COQ10B: variants seen among roughly 807,000 people sequenced by gnomAD.
COQ10B encodes the protein coenzyme Q10B.
In COQ10B, 12 loss-of-function variants were observed where a neutral mutation model predicts 27.6. That is an observed-to-expected ratio of 0.43 (90% CI 0.28 to 0.70). The LOEUF (loss-of-function observed/expected upper bound fraction) is 0.70. Among genes scored for constraint, COQ10B ranks in the 30% least tolerant of loss-of-function variants. The pLI, the probability that COQ10B is intolerant of heterozygous loss-of-function variation, is 0.17. For missense variants in COQ10B, 278 were observed against 288.7 expected, an observed-to-expected ratio of 0.96 and a Z score of 0.27; for synonymous variants, 115 against 103.0, an observed-to-expected ratio of 1.12 and a Z score of -0.71.
intron 2 of COQ10B, among the ~76,000 whole-genome samples, chr2:197,461,634 A>AGAGAGG (rs2085759482): frequency 1.1e-5 from 1 of 92,204 alleles, no homozygotes; most frequent in Non-Finnish European, 2.3e-5. Flanking sequence ...TCTCAGAGAG[A>AGAGAGG]GAGAGAGAGA....
intron 1 of COQ10B, among the ~76,000 whole-genome samples, chr2:197,459,687 A>G (rs1049886396): frequency 1.3e-5 from 2 of 152,106 alleles, no homozygotes; most frequent in Admixed American, 6.6e-5. Context: ...GTGAAAGCCA[A>G]CTTTCTGGGA....
At chr2:197,457,180 A>G (rs1457639295) in intron 1 of COQ10B, among the ~76,000 whole-genome samples, 1 of 152,092 alleles carries the variant, frequency 6.6e-6, no homozygotes, top group African/African-American at 2.4e-5. Context: ...AGGCGGTAAT[A>G]CTCACCTCCT....
intron 2 of COQ10B, among the ~76,000 whole-genome samples, chr2:197,461,248 T>C (rs951805417): frequency 3.3e-5 from 5 of 152,124 alleles, no homozygotes; most frequent in African/African-American, 1.2e-4. Flanking sequence ...TCTACTGTAG[T>C]CCAAGTAGTG....
chr2:197,456,637 C>T (rs2085702015), intron 1 of COQ10B, among the ~76,000 whole-genome samples: 1 of 151,298 alleles, frequency 6.6e-6, no homozygotes, highest in African/African-American at 2.4e-5. Context: ...TGGTGGCGGG[C>T]ACCTGTAGTC....
At position 197,473,958 on chromosome 2, in the gene COQ10B, C is replaced by G. The variant is rs780228298; in HGVS notation, c.*34C>G. On this transcript the variant is annotated 3_prime_UTR_variant, in exon 5 of 5. Coordinates refer to ENST00000263960, the MANE Select transcript of COQ10B (RefSeq NM_025147.5). ...AAGAACTGGTGCCACCTGCTTCTGA[C>G]TTTAGTTTGTTCACTTTTAGGAAGT... The G allele has an allele frequency of 1.4e-6, 2 of 1,433,464 alleles. No homozygotes were observed. The highest frequency in any genetic ancestry group is 1.6e-5 in the South Asian group (1 of 62,480). The allele number at this position is 1,433,464 out of a possible 1,614,324, so 88.8% of individuals were successfully genotyped here.
intron 1 of COQ10B, among the ~76,000 whole-genome samples, chr2:197,455,899 C>T (rs1481578142): frequency 3.3e-5 from 5 of 152,060 alleles, no homozygotes; most frequent in South Asian, 4.1e-4. Flanking sequence ...GTGGAGGCTG[C>T]GGTGTGTCAT....
rs1229206676 is a variant in COQ10B, at chr2:197,473,415, A to AAATATAT, written c.550-341_550-340insATATATA. Among the ~76,000 whole-genome samples the AAATATAT allele has an allele frequency of 1.8e-4, 11 of 59,506 alleles. No homozygotes were observed. The East Asian group carries it at 2.7e-3, about 15-fold the overall frequency. The allele number at this position is 59,506 out of a possible 152,430, so 39.0% of individuals were successfully genotyped here. ...CGCCCCCCCCCACAAAAAAAAAAAAAATATATATATATATATATATATATA... is the reference window on the plus strand; with the variant it reads ...CGCCCCCCCCCACAAAAAAAAAAAAAAATATATATATATATATATATATATATATATA... On this transcript the variant is annotated intron_variant, in intron 4 of 4. Coordinates refer to ENST00000263960, the MANE Select transcript of COQ10B (RefSeq NM_025147.5).
At chr2:197,453,997 CTT>C (rs1187258015) in intron 1 of COQ10B, 11 of 1,551,010 alleles carry the variant, frequency 7.1e-6, no homozygotes, top group African/African-American at 1.4e-5. Context: ...AAAGTTTTAA[CTT>C]TGCGCAGAAG....
chr2:197,460,181 T>A, intron 2 of COQ10B, 100 bp downstream of exon 2: 2 of 737,088 alleles, frequency 2.7e-6, no homozygotes, highest in Non-Finnish European at 4.1e-6. Context: ...TCTTACAGAC[T>A]AAGCTCTCTT....
chr2:197,459,836 C>A, intron 1 of COQ10B, 96 bp from the exon 2 acceptor site: 1 of 851,516 alleles, frequency 1.2e-6, no homozygotes, highest in Non-Finnish European at 1.7e-6. Context: ...AGTTGCAAAG[C>A]CTTACAAAGT....
intron 1 of COQ10B, among the ~76,000 whole-genome samples, chr2:197,455,994 A>G (rs1365779392): frequency 6.6e-6 from 1 of 152,114 alleles, no homozygotes; most frequent in Non-Finnish European, 1.5e-5. Flanking sequence ...AAGAATGGAT[A>G]AAGAAAATGT....
At chr2:197,458,216 G>A (rs772233255) in intron 1 of COQ10B, among the ~76,000 whole-genome samples, 2 of 151,128 alleles carry the variant, frequency 1.3e-5, no homozygotes, top group African/African-American at 4.9e-5. Flanking sequence ...ATGTACATAT[G>A]TATATGTATT....
chr2:197,458,998 T>C (rs1574579119), intron 1 of COQ10B, among the ~76,000 whole-genome samples: 1 of 152,194 alleles, frequency 6.6e-6, no homozygotes, highest in East Asian at 1.9e-4. Flanking sequence ...AATAATCTTA[T>C]TAAGGAAAGT....
At chr2:197,457,709 C>T (rs1039731378) in intron 1 of COQ10B, among the ~76,000 whole-genome samples, 3 of 151,106 alleles carry the variant, frequency 2.0e-5, no homozygotes, top group African/African-American at 7.3e-5. Context: ...GCAACCTCCG[C>T]GTCCCAGGTT....
intron 3 of COQ10B, among the ~76,000 whole-genome samples, chr2:197,463,024 T>G (rs1419830223): frequency 6.6e-6 from 1 of 152,248 alleles, no homozygotes; most frequent in East Asian, 1.9e-4. Flanking sequence ...ATGTTTTAAT[T>G]TAATTTTTCA....
intron 1 of COQ10B, among the ~76,000 whole-genome samples, chr2:197,459,347 T>C (rs1366999606): frequency 2.0e-5 from 3 of 152,044 alleles, no homozygotes; most frequent in Non-Finnish European, 2.9e-5. Context: ...TTAAATTTTT[T>C]TGTAGAGACA....
intron 1 of COQ10B, among the ~76,000 whole-genome samples, chr2:197,455,089 C>G (rs1034772857): frequency 1.2e-4 from 18 of 151,950 alleles, no homozygotes; most frequent in Admixed American, 1.1e-3. Flanking sequence ...CTGGTGTTTT[C>G]CTTAGGCTTG....
intron 4 of COQ10B, among the ~76,000 whole-genome samples, chr2:197,471,575 G>T (rs1343085217): frequency 1.3e-5 from 2 of 152,158 alleles, no homozygotes; most frequent in African/African-American, 4.8e-5. Context: ...AGAAATGGTG[G>T]CAATTTTGAC....
At chr2:197,460,447 T>A (rs992907315) in intron 2 of COQ10B, among the ~76,000 whole-genome samples, 1 of 152,196 alleles carries the variant, frequency 6.6e-6, no homozygotes, top group African/African-American at 2.4e-5. Flanking sequence ...TGCCTTGGCC[T>A]CCCAAAGTGC....
Sources: gnomAD v4.1 joint callset for allele counts (sites outside exome capture counted in the v4.1 genomes callset) on GRCh38, gnomAD v4.1.1 for gene constraint, MANE v1.5 for transcripts, NCBI Gene and HGNC (gene_info 2026-07-23, HGNC 2026-07-21) for gene names.